Variants in THOC2 observed in about 807,000 individuals in gnomAD.
THOC2 encodes THO complex 2.
Under a neutral mutation model 128.4 loss-of-function variants are expected in THOC2, and 10 were observed. The ratio of observed to expected loss-of-function variants is 0.08; its 90% confidence interval spans 0.05 to 0.13. THOC2 has a LOEUF of 0.13. THOC2 is among the 10% of genes least tolerant of loss of function. THOC2 has a pLI of 1.00. For synonymous variants in THOC2, 393 were observed against 396.9 expected, an observed-to-expected ratio of 0.99 and a Z score of 0.12; for missense variants, 535 against 1,155.7, an observed-to-expected ratio of 0.46 and a Z score of 7.79.
At chrX:123,693,125 T>C (rs901266733) in intron 7 of THOC2, among the ~76,000 whole-genome samples, 2 of 112,323 alleles carry the variant, frequency 1.8e-5, no homozygotes, top group Non-Finnish European at 3.8e-5. Flanking sequence ...AGAATACTCA[T>C]TGGAATTGAA....
chrX:123,631,805 C>T lies in THOC2; in HGVS notation c.2364G>A (p.Leu788=). Residue 788 remains leucine, a synonymous_variant, in exon 22 of 39, where the codon CTG becomes CTA. Coordinates refer to ENST00000245838, the MANE Select transcript of THOC2 (RefSeq NM_001081550.2). ...CTCGCTTTATATAATCTTCTGTGCT[C>T]AGATTAGATGCTAAAAACCCACCAA... The part of the protein sequence containing the change: ...VQFGGFLASN[L]STEDYIKRVP... 1 of 1,207,458 alleles carries T rather than the reference C, an allele frequency of 8.3e-7. No individual in the cohort carries two copies. Among genetic ancestry groups the T allele is most frequent in the East Asian group, 3.0e-5 (1 of 33,694 alleles).
At chrX:123,710,847 G>A (rs1049648818) in intron 2 of THOC2, among the ~76,000 whole-genome samples, 4 of 105,850 alleles carry the variant, frequency 3.8e-5, no homozygotes, top group East Asian at 6.2e-4. Flanking sequence ...AAAGTTCGCC[G>A]GGCGTGGTGG....
At chrX:123,672,051 A>G (rs1004821868) in intron 8 of THOC2, among the ~76,000 whole-genome samples, 1 of 112,594 alleles carries the variant, frequency 8.9e-6, no homozygotes, top group East Asian at 2.8e-4. Flanking sequence ...GCTGAATAGC[A>G]TAAGTGAGAT....
chrX:123,699,833 T>C (rs1418965048), intron 4 of THOC2, among the ~76,000 whole-genome samples: 1 of 112,106 alleles, frequency 8.9e-6, no homozygotes, highest in Non-Finnish European at 1.9e-5. Context: ...TGTCTAACCA[T>C]TCTCTTGGGT....
intron 25 of THOC2, among the ~76,000 whole-genome samples, 192 bp downstream of exon 25, chrX:123,625,720 A>G (rs73546043): frequency 1.2e-3 from 130 of 111,753 alleles, no homozygotes; most frequent in African/African-American, 4.0e-3. Context: ...TACAGATAAG[A>G]AAACAGGCAC....
At chrX:123,607,444 TTTTATTTA>T (rs201176690) in intron 38 of THOC2, among the ~76,000 whole-genome samples, 2,056 of 97,778 alleles carry the variant, frequency 0.021, 55 homozygotes, top group African/African-American at 0.073. Flanking sequence ...CCTAGCTAAG[TTTTATTTA>T]TTTATTTATT....
intron 1 of THOC2, among the ~76,000 whole-genome samples, chrX:123,716,151 C>G (rs1180007063): frequency 1.8e-5 from 2 of 112,330 alleles, no homozygotes; most frequent in East Asian, 5.6e-4. Flanking sequence ...CCCTGGGATG[C>G]AAGGATGGTA....
intron 1 of THOC2, among the ~76,000 whole-genome samples, chrX:123,732,385 CT>C (rs2052305931): frequency 8.9e-6 from 1 of 112,605 alleles, no homozygotes; most frequent in Non-Finnish European, 1.9e-5. Context: ...CGAGAGACCG[CT>C]CCCCGGGAGG....
At chrX:123,606,047 TC>T (rs2046455646) in intron 38 of THOC2, among the ~76,000 whole-genome samples, 1 of 111,276 alleles carries the variant, frequency 9.0e-6, no homozygotes, top group South Asian at 3.8e-4. Flanking sequence ...TACCAGATGT[TC>T]CAATCCTTCA....
intron 1 of THOC2, among the ~76,000 whole-genome samples, chrX:123,719,872 T>C (rs2051612417): frequency 9.1e-6 from 1 of 109,784 alleles, no homozygotes; most frequent in Admixed American, 9.7e-5. Flanking sequence ...CAGGTTATGA[T>C]GAGCTATGAT....
intron 7 of THOC2, 100 bp from the exon 8 acceptor site, chrX:123,686,814 G>A (rs2050019086): frequency 1.3e-6 from 1 of 756,563 alleles, no homozygotes. Context: ...AGATAAAAAT[G>A]TTTTTAAAAA....
intron 7 of THOC2, among the ~76,000 whole-genome samples, chrX:123,694,390 G>A (rs1030224423): frequency 1.5e-4 from 16 of 109,647 alleles, no homozygotes; most frequent in African/African-American, 5.0e-4. Context: ...CAAGGCGGGC[G>A]GATCACCTGA....
chrX:123,617,451 A>T (rs1304822955), intron 33 of THOC2, among the ~76,000 whole-genome samples: 2 of 111,465 alleles, frequency 1.8e-5, no homozygotes, highest in Non-Finnish European at 3.8e-5. Context: ...TTAAAAACCA[A>T]GGCAAGCACA....
At chrX:123,640,755 T>C (rs1189358375) in intron 15 of THOC2, 133 bp from the exon 16 acceptor site, 3 of 368,502 alleles carry the variant, frequency 8.1e-6, no homozygotes, top group Admixed American at 1.0e-4. Context: ...TGTAAACAAC[T>C]ACATTCATCA....
intron 19 of THOC2, among the ~76,000 whole-genome samples, chrX:123,634,364 T>C (rs2047595843): frequency 9.0e-6 from 1 of 111,136 alleles, no homozygotes; most frequent in Admixed American, 9.6e-5. Context: ...GGTAACATTT[T>C]TACTCCTGCT....
intron 4 of THOC2, among the ~76,000 whole-genome samples, chrX:123,700,561 G>A (rs1244018043): frequency 3.1e-5 from 2 of 64,855 alleles, no homozygotes; most frequent in East Asian, 1.4e-3. Context: ...GGGTGGGGGG[G>A]TGGGGAGGAA....
intron 4 of THOC2, among the ~76,000 whole-genome samples, chrX:123,702,858 TATA>T (rs1266962561): frequency 9.1e-6 from 1 of 110,313 alleles, no homozygotes; most frequent in East Asian, 2.8e-4. Context: ...AGAAAAAAAT[TATA>T]ATAAACATTA....
chrX:123,722,838 A>G (rs761576903), intron 1 of THOC2, among the ~76,000 whole-genome samples: 4 of 112,119 alleles, frequency 3.6e-5, no homozygotes, highest in South Asian at 3.7e-4. Flanking sequence ...AAGCAACTCA[A>G]TAACAAAAAA....
intron 1 of THOC2, among the ~76,000 whole-genome samples, chrX:123,715,027 T>TA (rs2147960878): frequency 9.5e-6 from 1 of 105,290 alleles, no homozygotes; most frequent in Non-Finnish European, 2.0e-5. Context: ...GGCTTTTTTT[T>TA]TTTTTTTTTT....
Sources: gnomAD v4.1 joint callset for allele counts (sites outside exome capture counted in the v4.1 genomes callset) on GRCh38, gnomAD v4.1.1 for gene constraint, MANE v1.5 for transcripts, NCBI Gene and HGNC (gene_info 2026-07-23, HGNC 2026-07-21) for gene names.